EVC2: variants seen among roughly 807,000 people sequenced by gnomAD.
The protein encoded by EVC2 is limbin.
A neutral mutation model predicts 149.3 loss-of-function variants in EVC2; 148 were observed. The ratio of observed to expected loss-of-function variants is 0.99; its 90% CI spans 0.87 to 1.14. The LOEUF (loss-of-function observed/expected upper bound fraction) is 1.14. EVC2 is among the 50% of genes most tolerant of loss of function. EVC2 has a pLI of 0.00. For missense variants in EVC2, 1,854 were observed against 1,627.3 expected, an observed-to-expected ratio of 1.14 and a Z score of -2.40; for synonymous variants, 776 against 649.9, an observed-to-expected ratio of 1.19 and a Z score of -2.95.
At chr4:5,574,536 C>T (rs892238760) in intron 19 of EVC2, 149 bp downstream of exon 19, 4 of 768,058 alleles carry the variant, frequency 5.2e-6, no homozygotes, top group Non-Finnish European at 9.0e-6. Flanking sequence ...GTGCTGGGCC[C>T]ATGCTAGAGC....
At chr4:5,664,116 T>C (rs1719096955) in intron 8 of EVC2, among the ~76,000 whole-genome samples, 1 of 152,220 alleles carries the variant, frequency 6.6e-6, no homozygotes, top group Non-Finnish European at 1.5e-5. Context: ...CAGTGCTTTC[T>C]TTGTGTTATC....
At chr4:5,707,640 G>A (rs372158458) in intron 1 of EVC2, among the ~76,000 whole-genome samples, 1 of 152,108 alleles carries the variant, frequency 6.6e-6, no homozygotes, top group Non-Finnish European at 1.5e-5. Context: ...GAGTGGCAGT[G>A]GGGAGTGAGG....
At chr4:5,673,729 T>A (rs983819483) in intron 7 of EVC2, among the ~76,000 whole-genome samples, 1 of 152,316 alleles carries the variant, frequency 6.6e-6, no homozygotes. Context: ...AACGAATGCT[T>A]TAAATGCTCA....
chr4:5,697,308 A>C (rs140968714), intron 2 of EVC2, among the ~76,000 whole-genome samples: 1 of 152,222 alleles, frequency 6.6e-6, no homozygotes, highest in African/African-American at 2.4e-5. Context: ...GGAAACTGAT[A>C]TACCCATTTA....
chr4:5,561,325 A>G (rs1721951884), downstream of EVC2, among the ~76,000 whole-genome samples: 1 of 152,138 alleles, frequency 6.6e-6, no homozygotes, highest in African/African-American at 2.4e-5. Flanking sequence ...AAGACCATGC[A>G]TGCTCCACTC....
Position 5,662,583 on chromosome 4 carries a change from AATC to A in EVC2, c.1145+521_1145+523del, listed in dbSNP as rs1396261465. 3.5e-5 allele frequency among the ~76,000 whole-genome samples: 5 copies of A among 144,078 alleles called. No individual in the cohort carries two copies. In the East Asian group the frequency reaches 5.9e-4, roughly 17 times the overall value. 94.5% of individuals were successfully genotyped at this position (144,078 alleles called of 152,430 possible). A position where few individuals can be genotyped will look rare whatever the true frequency, so the allele number is the denominator to read the frequency against. The stretch of plus-strand genomic sequence containing the variant: ...ATTAAATATAATATATATTTATATT[AATC>A]ATATTTATTTTAATTATATTTAAAT... On this transcript the variant is annotated intron_variant, in intron 9 of 21. Transcript: ENST00000344408.
intron 18 of EVC2, among the ~76,000 whole-genome samples, chr4:5,575,776 AG>A (rs1722888975): frequency 2.6e-5 from 4 of 152,238 alleles, no homozygotes; most frequent in African/African-American, 9.6e-5. Flanking sequence ...AACAACAAAA[AG>A]ACTGGGGGTC....
At chr4:5,708,214 C>T in intron 1 of EVC2, 72 bp downstream of exon 1, 1 of 1,322,956 alleles carries the variant, frequency 7.6e-7, no homozygotes, top group Non-Finnish European at 9.9e-7. Context: ...AAGGGTCCTC[C>T]CTGCCACCGC....
At chr4:5,580,823 C>G (rs1397714695) in intron 17 of EVC2, among the ~76,000 whole-genome samples, 3 of 5,190 alleles carry the variant, frequency 5.8e-4, no homozygotes, top group Non-Finnish European at 9.5e-4. Flanking sequence ...ATTGTAATCC[C>G]CAGTGTTGGA....
intron 16 of EVC2, among the ~76,000 whole-genome samples, chr4:5,595,069 GA>G (rs1332398686): frequency 2.0e-5 from 3 of 152,206 alleles, no homozygotes; most frequent in African/African-American, 7.2e-5. Context: ...GGGACTATGT[GA>G]AAAGACCAAA....
chr4:5,595,857 T>C (rs1410444611), intron 16 of EVC2, among the ~76,000 whole-genome samples: 1 of 151,920 alleles, frequency 6.6e-6, no homozygotes, highest in African/African-American at 2.4e-5. Context: ...AGGCTCAAAA[T>C]AAAAGGATGG....
At chr4:5,575,754 G>A (rs1047418696) in intron 18 of EVC2, among the ~76,000 whole-genome samples, 2 of 152,176 alleles carry the variant, frequency 1.3e-5, no homozygotes, top group South Asian at 2.1e-4. Context: ...GAAAAACAAC[G>A]CAAAGAACAA....
intron 1 of EVC2, among the ~76,000 whole-genome samples, chr4:5,699,081 G>A (rs991989803): frequency 6.6e-6 from 1 of 152,220 alleles, no homozygotes; most frequent in African/African-American, 2.4e-5. Flanking sequence ...AGCTGGGCTG[G>A]AGGCTGATTT....
At chr4:5,577,059 T>C (rs983057501) in intron 17 of EVC2, among the ~76,000 whole-genome samples, 1 of 152,246 alleles carries the variant, frequency 6.6e-6, no homozygotes, top group Admixed American at 6.5e-5. Context: ...TGCCGAGCAC[T>C]GCTCTGTGTA....
In EVC2 at chr4:5,584,624, C is replaced by T. The variant is rs573448772; in HGVS notation, c.3056G>A (p.Arg1019Gln). ...CTCCTTCCCAGCGCCTGCACTCACC[C>T]GGCTGTGCGACTCCAGGATCTGTGT... ...ACTQILESHSRELQELERKLE... is the reference protein window; with the variant it reads ...ACTQILESHSQELQELERKLE... Residue 1019 changes from arginine to glutamine, a missense_variant and splice_region_variant, in exon 17 of 22, where the codon CGG becomes CAG. Arg to Gln is a conservative substitution (Grantham distance 43, BLOSUM62 1). Coordinates refer to ENST00000344408, the MANE Select transcript of EVC2 (RefSeq NM_147127.5). The T allele has an allele frequency of 5.4e-5, 87 of 1,612,416 alleles. No individual in the cohort carries two copies. The highest frequency in any genetic ancestry group is 1.7e-4 in the Middle Eastern group (1 of 5,994).
At chr4:5,539,490 G>A (rs959894315), downstream of EVC2, among the ~76,000 whole-genome samples, 1 of 151,928 alleles carries the variant, frequency 6.6e-6, no homozygotes, top group Non-Finnish European at 1.5e-5. Context: ...AACTTACTTT[G>A]CAAAAGAAAA....
chr4:5,666,681 C>T (rs1052804084), intron 7 of EVC2, among the ~76,000 whole-genome samples: 1 of 152,164 alleles, frequency 6.6e-6, no homozygotes, highest in African/African-American at 2.4e-5. Context: ...TTTCTGGTAT[C>T]ATAGAGAGCT....
At chr4:5,645,413 C>A (rs1347845935) in intron 9 of EVC2, among the ~76,000 whole-genome samples, 1 of 152,044 alleles carries the variant, frequency 6.6e-6, no homozygotes, top group Non-Finnish European at 1.5e-5. Context: ...CTTCCTCCCA[C>A]TCTCCACCCT....
At position 5,636,281 on chromosome 4, in the gene EVC2, T is replaced by C. The variant is rs1013211069; in HGVS notation, c.1470+4233A>G. Among the ~76,000 whole-genome samples the C allele has an allele frequency of 2.0e-5, 3 of 152,220 alleles. No individual in the cohort carries two copies. The highest frequency in any genetic ancestry group is 7.2e-5 in the African/African-American group (3 of 41,464). On this transcript the variant is annotated intron_variant, in intron 10 of 21. Coordinates refer to ENST00000344408, the MANE Select transcript of EVC2 (RefSeq NM_147127.5). The surrounding 1 kb of genome is among the most constrained non-coding windows in gnomAD (Gnocchi z 4.6). The stretch of plus-strand genomic sequence containing the variant: ...CAATGGAGAAATGCTTTGAGAACTA[T>C]AAGGCATTATATACGCATTTAAATA...
Sources: allele counts gnomAD v4.1 joint callset (sites outside exome capture counted in the v4.1 genomes callset), GRCh38; gene constraint gnomAD v4.1.1; non-coding constraint Gnocchi (gnomAD v3.1); transcripts MANE v1.5; gene names NCBI Gene and HGNC (gene_info 2026-07-23, HGNC 2026-07-21).